CCDC150: variants seen among roughly 807,000 people sequenced by gnomAD.
CCDC150 encodes coiled-coil domain-containing protein 150.
Under a neutral mutation model 156.5 loss-of-function variants are expected in CCDC150, and 151 were observed. That is an observed-to-expected ratio of 0.97 (90% confidence interval 0.85 to 1.10). The LOEUF (loss-of-function observed/expected upper bound fraction) is 1.10. CCDC150 is among the 50% of genes least tolerant of loss of function. The pLI is 0.00. For synonymous variants in CCDC150, 452 were observed against 429.4 expected (o/e 1.05, Z -0.65); for missense variants, 1,312 against 1,268.1 (o/e 1.03, Z -0.53).
In CCDC150 at chr2:196,676,598, A is replaced by G. The variant is rs561956006; in HGVS notation, c.1307A>G (p.Gln436Arg). 407 of 1,613,788 alleles carry G rather than the reference A, an allele frequency of 2.5e-4. 3 individuals carry two copies. In the South Asian group the frequency reaches 3.6e-3, roughly 14 times the overall value. ...LEHNQCIQKA[Q>R]DAEKRTAVQK... is the part of the protein sequence containing the mutation. ...CATAACCAGTGTATCCAGAAAGCACAGGATGCTGAAAAGAGAACAGCTGTG... is the reference window on the plus strand; with the variant it reads ...CATAACCAGTGTATCCAGAAAGCACGGGATGCTGAAAAGAGAACAGCTGTG... Residue 436 changes from glutamine to arginine, a missense_variant, in exon 12 of 28, where the codon CAG becomes CGG. Gln to Arg is a conservative substitution (Grantham distance 43). Transcript: ENST00000389175.
intron 17 of CCDC150, chr2:196,713,491 A>G (rs908679879): frequency 1.3e-6 from 2 of 1,550,746 alleles, no homozygotes; most frequent in Non-Finnish European, 8.7e-7. Context: ...CAAACTCTAC[A>G]CGCCGTGTGA....
chr2:196,669,349 TCTC>T (rs1406759973), intron 7 of CCDC150, among the ~76,000 whole-genome samples: 1 of 152,286 alleles, frequency 6.6e-6, no homozygotes, highest in South Asian at 2.1e-4. Context: ...TGCCAGATGT[TCTC>T]CTTGTCTCAT....
chr2:196,703,527 T>C (rs771394735), intron 15 of CCDC150, among the ~76,000 whole-genome samples: 4 of 152,186 alleles, frequency 2.6e-5, no homozygotes, highest in Admixed American at 6.5e-5. Context: ...CTACTTCTCA[T>C]TGGGAAAAAT....
At position 196,730,065 on chromosome 2, in the gene CCDC150, C is replaced by T; in HGVS notation, c.2929C>T (p.Leu977=). The T allele has an allele frequency of 6.2e-7, 1 of 1,613,556 alleles. No homozygotes were observed. The highest frequency in any genetic ancestry group is 8.5e-7 in the Non-Finnish European group (1 of 1,179,744). The part of the protein sequence containing the change: ...DASVRNKQQE[L]HLEAERKIRQ... ...CTCAGTGCGGAATAAACAGCAAGAG[C>T]TGCACCTAGAAGCAGAGCGGAAAAT... The change falls in exon 25 of 28, where the codon CTG becomes TTG. Residue 977 remains leucine, a synonymous_variant. Coordinates refer to ENST00000389175, the MANE Select transcript of CCDC150 (RefSeq NM_001080539.2).
At chr2:196,645,673 C>A (rs976369110) in intron 1 of CCDC150, among the ~76,000 whole-genome samples, 1 of 152,062 alleles carries the variant, frequency 6.6e-6, no homozygotes, top group Admixed American at 6.6e-5. Context: ...ATTTTCATTG[C>A]GTTTTGGGGG....
chr2:196,730,745 A>G (rs1281765641), intron 25 of CCDC150, 114 bp from the exon 26 acceptor site: 16 of 742,384 alleles, frequency 2.2e-5, no homozygotes, highest in Admixed American at 5.2e-5. Flanking sequence ...ACCTGAAGTT[A>G]GAAGGCACTC....
chr2:196,718,676 A>G, intron 18 of CCDC150, 45 bp downstream of exon 18: 1 of 1,602,092 alleles, frequency 6.2e-7, no homozygotes, highest in African/African-American at 1.3e-5. Context: ...GAGAAGAAGC[A>G]CTTATGAAAT....
intron 22 of CCDC150, 76 bp from the exon 23 acceptor site, chr2:196,729,117 A>G (rs898805077): frequency 7.8e-7 from 1 of 1,287,842 alleles, no homozygotes; most frequent in Non-Finnish European, 1.1e-6. Flanking sequence ...AAGATGATAA[A>G]ATATAAGGAC....
intron 1 of CCDC150, among the ~76,000 whole-genome samples, chr2:196,645,920 C>T (rs1295274425): frequency 2.0e-5 from 3 of 152,176 alleles, no homozygotes; most frequent in Non-Finnish European, 2.9e-5. Context: ...CTCAGCAAGT[C>T]ATAGGTCCTT....
chr2:196,648,103 A>G (rs1242355360), intron 2 of CCDC150, among the ~76,000 whole-genome samples: 1 of 152,144 alleles, frequency 6.6e-6, no homozygotes, highest in Non-Finnish European at 1.5e-5. Context: ...TGAACACAGG[A>G]GTGCATATAT....
chr2:196,720,285 C>T (rs961696331), intron 19 of CCDC150: 19 of 355,414 alleles, frequency 5.3e-5, no homozygotes, highest in Non-Finnish European at 8.2e-5. Flanking sequence ...ATCTTTTTTA[C>T]ATAGTATGAA....
At chr2:196,663,499 T>G (rs1189488810) in intron 5 of CCDC150, among the ~76,000 whole-genome samples, 1 of 151,926 alleles carries the variant, frequency 6.6e-6, no homozygotes, top group Non-Finnish European at 1.5e-5. Context: ...AAGGTAATAA[T>G]TGGAAAATTA....
chr2:196,720,153 T>C (rs1379726155), intron 19 of CCDC150: 2 of 403,530 alleles, frequency 5.0e-6, no homozygotes, highest in East Asian at 1.6e-4. Flanking sequence ...GTTTCAAAAA[T>C]TAAATAAAAT....
intron 14 of CCDC150, among the ~76,000 whole-genome samples, chr2:196,695,790 G>A (rs1185293783): frequency 1.4e-5 from 2 of 145,296 alleles, no homozygotes; most frequent in East Asian, 2.0e-4. Context: ...CAACCTGGGC[G>A]ACAGAGCGAG....
Position 196,718,421 on chromosome 2 carries a change from T to TA in CCDC150, c.1867-78dup. ...TAGTGAATAAATATATTTAAACATT[T>TA]AAAATTTGGTTTCTAAATTTCTATG... On this transcript the variant is annotated intron_variant, in intron 17 of 27. Coordinates refer to ENST00000389175, the MANE Select transcript of CCDC150 (RefSeq NM_001080539.2). 3 of 1,118,422 alleles carry TA rather than the reference T, an allele frequency of 2.7e-6. No homozygotes were observed. In the East Asian group the frequency reaches 7.9e-5, roughly 30 times the overall value. 69.3% of individuals were successfully genotyped at this position (1,118,422 alleles called of 1,614,324 possible). A position where few individuals can be genotyped will look rare whatever the true frequency, so the allele number is the denominator to read the frequency against.
At chr2:196,679,370 T>A (rs534185722) in intron 13 of CCDC150, among the ~76,000 whole-genome samples, 1 of 152,362 alleles carries the variant, frequency 6.6e-6, no homozygotes, top group East Asian at 1.9e-4. Context: ...TTTTTGTCCC[T>A]GTAGTTATAA....
chr2:196,702,522 G>T (rs1327786760), intron 15 of CCDC150, among the ~76,000 whole-genome samples: 1 of 151,940 alleles, frequency 6.6e-6, no homozygotes, highest in Admixed American at 6.6e-5. Context: ...ACCATACCCA[G>T]CCAAGTTTTT....
At position 196,718,637 on chromosome 2, in the gene CCDC150, G is replaced by GA. The variant is rs1306609806; in HGVS notation, c.1995+8dup. 1 of 1,612,756 alleles carries GA rather than the reference G, an allele frequency of 6.2e-7. No homozygotes were observed. Among genetic ancestry groups the GA allele is most frequent in the African/African-American group, 1.3e-5 (1 of 74,902 alleles). On this transcript the variant is annotated splice_region_variant and intron_variant, in intron 18 of 27. Coordinates refer to ENST00000389175, the MANE Select transcript of CCDC150 (RefSeq NM_001080539.2). ...AGGACAGGGAAAACAAGAAGGCAAGGAATCAGTCCCTTCTGACCGTCTGTC... is the reference window on the plus strand; with the variant it reads ...AGGACAGGGAAAACAAGAAGGCAAGGAAATCAGTCCCTTCTGACCGTCTGTC...
In CCDC150 at chr2:196,677,045, A is replaced by G. The variant is rs1304981318; in HGVS notation, c.1441-248A>G. ...GTGGGACAGCGAAGGTTAAGGGGGA[A>G]CAGCCCTGTCTTCCTACTTAGGAAG... On this transcript the variant is annotated intron_variant, in intron 12 of 27. Coordinates refer to ENST00000389175, the MANE Select transcript of CCDC150 (RefSeq NM_001080539.2). 1.0e-5 allele frequency: 7 copies of G among 683,056 alleles called. No homozygotes were observed. The African/African-American group carries it at 1.2e-4, about 12-fold the overall frequency. 42.3% of individuals were successfully genotyped at this position (683,056 alleles called of 1,614,324 possible).
Sources: allele counts gnomAD v4.1 joint callset (sites outside exome capture counted in the v4.1 genomes callset), GRCh38; gene constraint gnomAD v4.1.1; transcripts MANE v1.5; gene names NCBI Gene and HGNC (gene_info 2026-07-23, HGNC 2026-07-21).